CCDC125: variants seen among roughly 807,000 people sequenced by gnomAD.
The protein encoded by CCDC125 is coiled-coil domain containing 125, also known as coiled-coil domain-containing protein 125.
A neutral mutation model predicts 57.4 loss-of-function variants in CCDC125; 43 were observed. The observed-to-expected ratio is 0.75, with a 90% CI of 0.59 to 0.97. The LOEUF is 0.97. Among genes scored for constraint, CCDC125 ranks in the 50% least tolerant of loss-of-function variants. CCDC125 has a pLI of 0.00. For synonymous variants in CCDC125, 187 were observed against 195.2 expected (o/e 0.96, Z 0.35); for missense variants, 563 against 595.7 (o/e 0.95, Z 0.57).
At chr5:69,292,531 T>C (rs923920140) in intron 9 of CCDC125, among the ~76,000 whole-genome samples, 169 bp from the exon 10 acceptor site, 1 of 152,226 alleles carries the variant, frequency 6.6e-6, no homozygotes, top group Non-Finnish European at 1.5e-5. Context: ...ATTTCTGCAG[T>C]AGCAACTTAC....
intron 1 of CCDC125, among the ~76,000 whole-genome samples, chr5:69,331,949 T>C (rs1761472043): frequency 6.6e-6 from 1 of 152,252 alleles, no homozygotes; most frequent in Non-Finnish European, 1.5e-5. Context: ...ATGCAGAGAC[T>C]TTGTGTGTCT....
In CCDC125 at chr5:69,320,516, T is replaced by G. The variant is rs1759860845; in HGVS notation, c.25A>C (p.Ser9Arg). Reference sequence around the variant, plus strand: ...TCCCAGAGCTGCACGTCTGACTCACTTGATGATCTTGCCACCTTGCTCATG... The same window carrying G: ...TCCCAGAGCTGCACGTCTGACTCACGTGATGATCTTGCCACCTTGCTCATG... MSKVARSS[S>R]ESDVQLWETE... Residue 9 changes from serine to arginine, a missense_variant, in exon 2 of 12, where the codon AGT becomes CGT. Coordinates refer to ENST00000396496, the MANE Select transcript of CCDC125 (RefSeq NM_176816.5). 1 of 1,611,482 alleles carries G rather than the reference T, an allele frequency of 6.2e-7. No individual in the cohort carries two copies.
chr5:69,331,364 C>T (rs1286602283), intron 1 of CCDC125, among the ~76,000 whole-genome samples: 6 of 151,636 alleles, frequency 4.0e-5, no homozygotes, highest in African/African-American at 7.3e-5. Context: ...TCCCCAGTAG[C>T]GGAGATTACA....
Position 69,311,140 on chromosome 5 carries a change from G to A in CCDC125, c.431C>T (p.Ala144Val), listed in dbSNP as rs745622017. Residue 144 changes from alanine to valine, a missense_variant, in exon 4 of 12, where the codon GCA (alanine) becomes GTA (valine). Ala to Val is a moderately conservative substitution (Grantham distance 64). Coordinates refer to ENST00000396496, the MANE Select transcript of CCDC125 (RefSeq NM_176816.5). ...TACCATGCTTTGAAGAATTTTCAAT[G>A]CTTCCTCTTTACCTCTGAGTTGTCT... ...SQRQLRGKEE[A>V]LKILQSMAIL... The A allele has an allele frequency of 1.2e-6, 2 of 1,607,918 alleles. No homozygotes were observed. The highest frequency in any genetic ancestry group is 8.5e-7 in the Non-Finnish European group (1 of 1,175,488).
Position 69,320,492 on chromosome 5 carries a change from C to T in CCDC125, c.49G>A (p.Glu17Lys). The T allele has an allele frequency of 6.2e-7, 1 of 1,613,566 alleles. No homozygotes were observed. The highest frequency in any genetic ancestry group is 1.1e-5 in the South Asian group (1 of 91,050). ...SSSESDVQLW[E>K]TEEDDMTEGD... ...TCTGTCATGTCATCCTCTTCTGTTT[C>T]CCAGAGCTGCACGTCTGACTCACTT... Residue 17 changes from glutamate (E) to lysine (K), a missense_variant, in exon 2 of 12, where the codon GAA becomes AAA. By Grantham distance (56) the Glu-to-Lys change is moderately conservative (BLOSUM62 1). Transcript: ENST00000396496.
At chr5:69,304,105 AT>A (rs35098133) in intron 6 of CCDC125, among the ~76,000 whole-genome samples, 176 bp from the exon 7 acceptor site, 73,176 of 142,022 alleles carry the variant, frequency 0.52, 17,785 homozygotes, top group South Asian at 0.6. Flanking sequence ...TGTGGTAAGA[AT>A]TTTTTTTTTT....
chr5:69,306,583 G>A (rs1757365480), intron 6 of CCDC125, among the ~76,000 whole-genome samples: 1 of 152,132 alleles, frequency 6.6e-6, no homozygotes, highest in African/African-American at 2.4e-5. Context: ...AGATCCAAGT[G>A]CCAAAGATTC....
chr5:69,274,941 A>G, the CCDC125 span, among the ~76,000 whole-genome samples: 1 of 151,958 alleles, frequency 6.6e-6, no homozygotes, highest in African/African-American at 2.4e-5. Context: ...CATTGTAGCC[A>G]CTGGACAGCA....
chr5:69,299,330 C>T (rs940859237), intron 8 of CCDC125, among the ~76,000 whole-genome samples: 3 of 152,024 alleles, frequency 2.0e-5, no homozygotes, highest in Non-Finnish European at 2.9e-5. Context: ...AGGATGGTCT[C>T]GATCTCCTGA....
chr5:69,315,462 C>G (rs28419012), intron 2 of CCDC125, among the ~76,000 whole-genome samples: 1 of 24,708 alleles, frequency 4.0e-5, no homozygotes, highest in Non-Finnish European at 1.0e-4. Context: ...AAAAAAAAAA[C>G]AAAAAAAAAA....
intron 11 of CCDC125, among the ~76,000 whole-genome samples, chr5:69,283,684 T>C (rs576341986): frequency 6.6e-6 from 1 of 151,788 alleles, no homozygotes; most frequent in South Asian, 2.1e-4. Context: ...CACCACACCT[T>C]GCTAATTTTT....
chr5:69,307,952 T>G lies in CCDC125; in HGVS notation c.530A>C (p.Lys177Thr). Residue 177 changes from lysine to threonine, a missense_variant and splice_region_variant, in exon 5 of 12, where the codon AAG (lysine) becomes ACG (threonine). Coordinates refer to ENST00000396496, the MANE Select transcript of CCDC125 (RefSeq NM_176816.5). Reference sequence around the variant, plus strand: ...GTCTACACTAAAAGCACCAAATACCTTCTCCAAGGATCTGTTTTGTTCCAT... The same window carrying G: ...GTCTACACTAAAAGCACCAAATACCGTCTCCAAGGATCTGTTTTGTTCCAT... ...KTMEQNRSLE[K>T]EINALQWEIE... 1.2e-6 allele frequency: 2 copies of G among 1,612,342 alleles called. No homozygotes were observed.
At chr5:69,322,276 C>T (rs528577576) in intron 1 of CCDC125, among the ~76,000 whole-genome samples, 2 of 151,914 alleles carry the variant, frequency 1.3e-5, no homozygotes, top group South Asian at 2.1e-4. Context: ...TGAGGCACCA[C>T]GTGGGGGTGG....
At chr5:69,286,994 TAA>T (rs33957725) in intron 10 of CCDC125, among the ~76,000 whole-genome samples, 40,233 of 112,656 alleles carry the variant, frequency 0.36, 6,406 homozygotes, top group Non-Finnish European at 0.46. Context: ...GAGTTTAAGA[TAA>T]AAAAAAAAAA....
rs752089702 is a variant in CCDC125 at position 69,294,849 on chromosome 5, A to G, written c.868T>C (p.Ser290Pro). Residue 290 changes from serine (S) to proline (P), a missense_variant, in exon 9 of 12, where the codon TCT becomes CCT. By Grantham distance (74) the Ser-to-Pro change is moderately conservative. Transcript: ENST00000396496. ...LCHGPGGNPC[S>P]CARMAASTRK... ...GTGGATGCTGCCATTCTGGCACAAG[A>G]ACAGGGGTTCCCTCCGGGCCCATGA... 2.5e-6 allele frequency: 4 copies of G among 1,614,236 alleles called. No individual in the cohort carries two copies. The East Asian group carries it at 8.9e-5, about 36-fold the overall frequency.
intron 11 of CCDC125, among the ~76,000 whole-genome samples, chr5:69,284,011 G>C (rs1330766282): frequency 6.7e-6 from 1 of 150,242 alleles, no homozygotes; most frequent in South Asian, 2.1e-4. Flanking sequence ...GGATGGTCTC[G>C]ATCTCCTGAC....
At chr5:69,318,041 G>C (rs1759411621) in intron 2 of CCDC125, among the ~76,000 whole-genome samples, 1 of 148,420 alleles carries the variant, frequency 6.7e-6, no homozygotes, top group African/African-American at 2.5e-5. Flanking sequence ...GAGCGCAGTG[G>C]TGCGATCTCG....
At chr5:69,315,672 C>T (rs1234353483) in intron 2 of CCDC125, among the ~76,000 whole-genome samples, 2 of 148,990 alleles carry the variant, frequency 1.3e-5, no homozygotes, top group African/African-American at 2.5e-5. Context: ...GCATGAGAAT[C>T]GCTTGAACCC....
chr5:69,291,516 G>A (rs1221341368), intron 10 of CCDC125, among the ~76,000 whole-genome samples: 3 of 152,062 alleles, frequency 2.0e-5, no homozygotes, highest in African/African-American at 4.8e-5. Flanking sequence ...TACCACGCCC[G>A]GCTAATTTTT....
Sources: gnomAD v4.1 joint callset for allele counts (sites outside exome capture counted in the v4.1 genomes callset) on GRCh38, gnomAD v4.1.1 for gene constraint, MANE v1.5 for transcripts, NCBI Gene and HGNC (gene_info 2026-07-23, HGNC 2026-07-21) for gene names.